The following NRXN1 variants were observed in gnomAD, a reference collection of about 807,000 sequenced individuals.
NRXN1 encodes neurexin-1.
A neutral mutation model predicts 150.9 loss-of-function variants in NRXN1; 39 were observed. The observed-to-expected ratio is 0.26, with a 90% CI of 0.20 to 0.34. The LOEUF is 0.34. Ranked by LOEUF, NRXN1 falls within the 10% of genes least tolerant of loss-of-function variation. NRXN1 has a pLI of 1.00. For missense variants in NRXN1, 1,815 were observed against 1,949.9 expected, an observed-to-expected ratio of 0.93 and a Z score of 1.30; for synonymous variants, 924 against 757.0, an observed-to-expected ratio of 1.22 and a Z score of -3.62.
chr2:50,326,665 A>C (rs1322855630), intron 17 of NRXN1, among the ~76,000 whole-genome samples: 1 of 152,174 alleles, frequency 6.6e-6, no homozygotes, highest in Non-Finnish European at 1.5e-5. Flanking sequence ...TCTATCCATT[A>C]ACTTGCTTTG....
At chr2:50,553,866 A>T (rs541498330) in intron 8 of NRXN1, among the ~76,000 whole-genome samples, 2 of 152,314 alleles carry the variant, frequency 1.3e-5, no homozygotes, top group African/African-American at 4.8e-5. Context: ...AACACATTTG[A>T]TAATTCACTG....
At chr2:50,858,619 T>C (rs1234450859) in intron 5 of NRXN1, among the ~76,000 whole-genome samples, 2 of 152,136 alleles carry the variant, frequency 1.3e-5, no homozygotes, top group African/African-American at 4.8e-5. Context: ...AAGCTATGCT[T>C]CTTATTTGCA....
rs17502255 is a variant in NRXN1, at chr2:50,740,939, G to C, written c.833-117324C>G. ...TATTTTTAGTTGAATTACTAACAAA[G>C]GAAACAATTAGATATGATCACCAAC... is the stretch of plus-strand genomic sequence containing the variant. On this transcript the variant is annotated intron_variant, in intron 5 of 22. Coordinates refer to ENST00000401669, the MANE Select transcript of NRXN1 (RefSeq NM_001330078.2). Among the ~76,000 whole-genome samples the C allele has an allele frequency of 7.7e-3, 1,178 of 152,190 alleles. 11 individuals carry two copies. The highest frequency in any genetic ancestry group is 0.013 in the Admixed American group (204 of 15,286).
intron 5 of NRXN1, among the ~76,000 whole-genome samples, chr2:50,715,725 A>G (rs1184843562): frequency 6.6e-6 from 1 of 152,108 alleles, no homozygotes; most frequent in East Asian, 1.9e-4. Flanking sequence ...ATCTACATGA[A>G]AAATTCTTGA....
intron 2 of NRXN1, among the ~76,000 whole-genome samples, chr2:51,019,007 C>G (rs149359340): frequency 7.2e-4 from 110 of 152,128 alleles, no homozygotes; most frequent in Middle Eastern, 3.4e-3. Context: ...ATTATCATGA[C>G]AGTAGGAAGC....
At chr2:50,085,572 G>A (rs1003680202) in intron 19 of NRXN1, among the ~76,000 whole-genome samples, 2 of 151,828 alleles carry the variant, frequency 1.3e-5, no homozygotes. Flanking sequence ...TGCTAATAAA[G>A]TTTCTCTAGT....
At chr2:50,437,957 G>C (rs1419256176) in intron 17 of NRXN1, among the ~76,000 whole-genome samples, 4 of 152,124 alleles carry the variant, frequency 2.6e-5, no homozygotes, top group Non-Finnish European at 5.9e-5. Context: ...GGGACTGATA[G>C]TGCAACAAGG....
intron 17 of NRXN1, among the ~76,000 whole-genome samples, chr2:50,302,906 T>C (rs2074288810): frequency 1.2e-5 from 1 of 84,998 alleles, no homozygotes; most frequent in Non-Finnish European, 2.3e-5. Context: ...TGCCATAGTC[T>C]ACCAGGCCAT....
intron 22 of NRXN1, chr2:49,926,425 G>C (rs1445663407): frequency 7.5e-6 from 3 of 398,280 alleles, no homozygotes; most frequent in Non-Finnish European, 1.3e-5. Context: ...GAATCTTCTT[G>C]TTTTTTGTTG....
intron 21 of NRXN1, among the ~76,000 whole-genome samples, chr2:49,968,692 G>C (rs1198198973): frequency 6.6e-6 from 1 of 152,074 alleles, no homozygotes; most frequent in Admixed American, 6.6e-5. Context: ...TAACATGAAT[G>C]TATCTCCTTG....
intron 18 of NRXN1, among the ~76,000 whole-genome samples, chr2:50,224,332 T>C (rs535570479): frequency 1.1e-4 from 16 of 152,116 alleles, no homozygotes; most frequent in South Asian, 8.3e-4. Flanking sequence ...AGTCTGCTCA[T>C]TGGTAAAACT....
chr2:50,744,873 T>C (rs1366075497), intron 5 of NRXN1, among the ~76,000 whole-genome samples: 1 of 152,166 alleles, frequency 6.6e-6, no homozygotes, highest in Admixed American at 6.5e-5. Context: ...ACATTTGCTT[T>C]CAAGGTTATG....
chr2:50,347,756 G>A lies in NRXN1; in HGVS notation c.3365-110786C>T. 1 of 986,418 alleles carries A rather than the reference G, an allele frequency of 1.0e-6. No homozygotes were observed. Among genetic ancestry groups the A allele is most frequent in the Non-Finnish European group, 1.2e-6 (1 of 830,652 alleles). The allele number at this position is 986,418 out of a possible 1,614,324, so 61.1% of individuals were successfully genotyped here. Reference sequence around the variant, plus strand: ...AAAAAGAAAAAGAAAAAGAAAAAAAGAAAAGAAAAACCACACACGCTGGTG... The same window carrying A: ...AAAAAGAAAAAGAAAAAGAAAAAAAAAAAAGAAAAACCACACACGCTGGTG... On this transcript the variant is annotated intron_variant, in intron 17 of 22. Coordinates refer to ENST00000401669, the MANE Select transcript of NRXN1 (RefSeq NM_001330078.2). This position sits in a 1 kb window ranked among gnomAD's most constrained non-coding sequence, Gnocchi z 4.9.
intron 2 of NRXN1, among the ~76,000 whole-genome samples, chr2:50,963,313 A>G (rs1382520862): frequency 6.6e-6 from 1 of 151,426 alleles, no homozygotes; most frequent in African/African-American, 2.4e-5. Context: ...ACAGCTGTCT[A>G]CCTTCTCTCC....
At chr2:50,061,139 T>C (rs917542433) in intron 19 of NRXN1, among the ~76,000 whole-genome samples, 1 of 152,216 alleles carries the variant, frequency 6.6e-6, no homozygotes, top group African/African-American at 2.4e-5. Flanking sequence ...TCTCAAGATG[T>C]ATTTTATTTC....
At chr2:50,523,578 AT>A (rs1424058736) in intron 12 of NRXN1, among the ~76,000 whole-genome samples, 1 of 152,220 alleles carries the variant, frequency 6.6e-6, no homozygotes, top group African/African-American at 2.4e-5. Flanking sequence ...GACATTTTGC[AT>A]TCTTTTATTG....
chr2:50,342,887 G>T (rs191840438), intron 17 of NRXN1, among the ~76,000 whole-genome samples: 1 of 152,288 alleles, frequency 6.6e-6, no homozygotes, highest in Non-Finnish European at 1.5e-5. Flanking sequence ...GCCCATTTAT[G>T]GTATGCCTCA....
intron 17 of NRXN1, among the ~76,000 whole-genome samples, chr2:50,380,718 T>A (rs1244955941): frequency 6.6e-6 from 1 of 152,082 alleles, no homozygotes; most frequent in Non-Finnish European, 1.5e-5. Flanking sequence ...CAATAAGTGA[T>A]TGTTAGTATT....
intron 12 of NRXN1, among the ~76,000 whole-genome samples, chr2:50,522,101 A>G (rs1225511089): frequency 1.3e-5 from 2 of 152,150 alleles, no homozygotes; most frequent in African/African-American, 4.8e-5. Flanking sequence ...GAAGGAAGAG[A>G]AGAAACTCAA....
Sources: allele counts gnomAD v4.1 joint callset (sites outside exome capture counted in the v4.1 genomes callset), GRCh38; gene constraint gnomAD v4.1.1; non-coding constraint Gnocchi (gnomAD v3.1); transcripts MANE v1.5; gene names NCBI Gene and HGNC (gene_info 2026-07-23, HGNC 2026-07-21).